FH: variants seen among roughly 807,000 people sequenced by gnomAD.
FH encodes the protein fumarate hydratase, mitochondrial.
FH carries 22 observed loss-of-function variants against 49.4 expected under a neutral mutation model. That is an observed-to-expected ratio of 0.45 (90% CI 0.32 to 0.64). FH has a LOEUF of 0.64. Among genes scored for constraint, FH ranks in the 30% least tolerant of loss-of-function variants. FH has a pLI of 0.05. For missense variants in FH, 526 were observed against 641.5 expected, an observed-to-expected ratio of 0.82 and a Z score of 1.95; for synonymous variants, 208 against 223.0, an observed-to-expected ratio of 0.93 and a Z score of 0.60.
Position 241,506,008 on chromosome 1 carries a change from A to G in FH, c.899T>C (p.Leu300Pro). Reference protein sequence around the residue: ...AEKVAAKVAALTGLPFVTAPN... With the variant: ...AEKVAAKVAAPTGLPFVTAPN... ...TAATTCACGTGATCACTAACCTGTAAGTGCAGCCACTTTTGCAGCAACCTT... is the reference window on the plus strand; with the variant it reads ...TAATTCACGTGATCACTAACCTGTAGGTGCAGCCACTTTTGCAGCAACCTT... The change falls in exon 6 of 10, where the codon CTT becomes CCT. Residue 300 changes from leucine (L) to proline (P), a missense_variant. Leu to Pro is a moderately conservative substitution (Grantham distance 98, BLOSUM62 -3). Coordinates refer to ENST00000366560, the MANE Select transcript of FH (RefSeq NM_000143.4). 6.2e-7 allele frequency: 1 copy of G among 1,613,940 alleles called. No individual in the cohort carries two copies. The highest frequency in any genetic ancestry group is 1.3e-5 in the African/African-American group (1 of 75,048).
rs764065194 is a variant in FH, at chr1:241,508,656, T to C, written c.685A>G (p.Ile229Val). 3 of 1,613,882 alleles carry C rather than the reference T, an allele frequency of 1.9e-6. No homozygotes were observed. The highest frequency in any genetic ancestry group is 2.2e-5 in the South Asian group (2 of 91,092). ...TGAGTATGAGTACGTCCAATCTTGATGATCTGTGCAAACTCTTTGGATTTT... is the reference window on the plus strand; with the variant it reads ...TGAGTATGAGTACGTCCAATCTTGACGATCTGTGCAAACTCTTTGGATTTT... ...DAKSKEFAQI[I>V]KIGRTHTQDA... Residue 229 changes from isoleucine to valine, a missense_variant, in exon 5 of 10, where the codon ATC becomes GTC. Around this residue, in one of 2 missense-constraint regions of FH, gnomAD observed 383 missense variants for 514.0 expected, o/e 0.75. Transcript: ENST00000366560.
rs201388169 is a variant in FH, at chr1:241,500,473, A to T, written c.1354T>A (p.Ser452Thr). ...TERINKLMNE[S>T]LMLVTALNPH... The stretch of plus-strand genomic sequence containing the variant: ...TTGAGAGCTGTCACCAACATTAGAG[A>T]CTCATTCATCAGCTTGTTGATCCTT... The change falls in exon 9 of 10, where the codon TCT becomes ACT. Residue 452 changes from serine (S) to threonine (T), a missense_variant. Ser to Thr is a moderately conservative substitution (Grantham distance 58, BLOSUM62 1). This residue lies in a region of FH where 383 missense variants were observed against 514.0 expected (regional missense o/e 0.75). Transcript: ENST00000366560. 5.0e-6 allele frequency: 8 copies of T among 1,613,948 alleles called. No homozygotes were observed. In the South Asian group the frequency reaches 6.6e-5, roughly 13 times the overall value.
chr1:241,511,593 G>C (rs1289679876), intron 4 of FH, among the ~76,000 whole-genome samples: 4 of 151,956 alleles, frequency 2.6e-5, no homozygotes, highest in Admixed American at 1.3e-4. Flanking sequence ...TAAGAGTACT[G>C]TATCTATGTT....
chr1:241,513,479 C>T (rs1573886302), intron 3 of FH, 124 bp downstream of exon 3: 1 of 810,198 alleles, frequency 1.2e-6, no homozygotes, highest in Non-Finnish European at 2.2e-6. Context: ...AATGCTACCA[C>T]CCTCCCCTGA....
chr1:241,502,791 T>C (rs1659816408), intron 7 of FH, among the ~76,000 whole-genome samples: 1 of 152,188 alleles, frequency 6.6e-6, no homozygotes, highest in Non-Finnish European at 1.5e-5. Flanking sequence ...ACATTAAATA[T>C]AGTTCTCCAC....
At position 241,497,716 on chromosome 1, in the gene FH, G is replaced by C; in HGVS notation, c.*112C>G. 1.1e-6 allele frequency: 1 copy of C among 942,366 alleles called. No individual in the cohort carries two copies. Among genetic ancestry groups the C allele is most frequent in the Non-Finnish European group, 1.6e-6 (1 of 618,338 alleles). 58.4% of individuals were successfully genotyped at this position (942,366 alleles called of 1,614,324 possible). Reference sequence around the variant, plus strand: ...ATATACTGATCAAATTGCTCTGCTAGAGATGCTTAAGTTCAATAGCAGTTT... The same window carrying C: ...ATATACTGATCAAATTGCTCTGCTACAGATGCTTAAGTTCAATAGCAGTTT... On this transcript the variant is annotated 3_prime_UTR_variant, in exon 10 of 10. Transcript: ENST00000366560.
chr1:241,500,456 T>C lies in FH; in HGVS notation c.1371A>G (p.Thr457=), dbSNP rs199747704. 1.2e-6 allele frequency: 2 copies of C among 1,614,030 alleles called. No individual in the cohort carries two copies. The highest frequency in any genetic ancestry group is 1.7e-4 in the Middle Eastern group (1 of 6,056). The part of the protein sequence containing the change: ...KLMNESLMLV[T]ALNPHIGYDK... ...ACTTACCTATATGAGGATTGAGAGC[T>C]GTCACCAACATTAGAGACTCATTCA... Residue 457 remains threonine, a synonymous_variant, in exon 9 of 10, where the codon ACA becomes ACG. Coordinates refer to ENST00000366560, the MANE Select transcript of FH (RefSeq NM_000143.4).
chr1:241,512,624 C>A (rs998121621), intron 3 of FH, among the ~76,000 whole-genome samples: 8 of 152,104 alleles, frequency 5.3e-5, no homozygotes, highest in African/African-American at 1.9e-4. Flanking sequence ...TTTTATACAT[C>A]CAGCTTATGT....
At chr1:241,511,945 A>T (rs760336894) in intron 4 of FH, 22 bp downstream of exon 4, 8 of 1,612,990 alleles carry the variant, frequency 5.0e-6, no homozygotes, top group Non-Finnish European at 6.8e-6. Context: ...TAACCAAAAA[A>T]CAGCAAAGCT....
At position 241,519,596 on chromosome 1, in the gene FH, G is replaced by A. The variant is rs200496951; in HGVS notation, c.127C>T (p.Arg43Ter). 3 of 1,547,492 alleles carry A rather than the reference G, an allele frequency of 1.9e-6. No individual in the cohort carries two copies. The highest frequency in any genetic ancestry group is 2.6e-6 in the Non-Finnish European group (3 of 1,146,316). ...GGATGGCGGCCTGCGCTCACCATTCGAGCCGCGTTCGGAGGCCAAAACGAG... is the reference window on the plus strand; with the variant it reads ...GGATGGCGGCCTGCGCTCACCATTCAAGCCGCGTTCGGAGGCCAAAACGAG... ...VPSFWPPNAA[R>*]MASQNSFRIE... The change falls in exon 1 of 10, where the codon CGA becomes TGA. Residue 43 changes from arginine (R) to a stop codon, truncating the protein, a stop_gained. Coordinates refer to ENST00000366560, the MANE Select transcript of FH (RefSeq NM_000143.4). LOFTEE classifies it high-confidence loss of function.
intron 5 of FH, among the ~76,000 whole-genome samples, chr1:241,508,005 A>G (rs558528953): frequency 1.4e-4 from 21 of 152,340 alleles, no homozygotes; most frequent in Non-Finnish European, 2.6e-4. Flanking sequence ...ACTTTCTAAT[A>G]TCTTGGAGAA....
At chr1:241,515,981 C>G (rs1660200971) in intron 2 of FH, among the ~76,000 whole-genome samples, 1 of 152,076 alleles carries the variant, frequency 6.6e-6, no homozygotes, top group Non-Finnish European at 1.5e-5. Context: ...TATATATTAT[C>G]TATTATATGT....
intron 4 of FH, 93 bp from the exon 5 acceptor site, chr1:241,508,878 CAACT>C (rs1660003156): frequency 2.8e-6 from 3 of 1,082,512 alleles, no homozygotes; most frequent in East Asian, 2.6e-5. Flanking sequence ...AAAAACTCTC[CAACT>C]AACTACTCAA....
Position 241,500,603 on chromosome 1 carries a change from G to GAGAC in FH, c.1237-14_1237-13insGTCT. On this transcript the variant is annotated splice_polypyrimidine_tract_variant and intron_variant, in intron 8 of 9. Coordinates refer to ENST00000366560, the MANE Select transcript of FH (RefSeq NM_000143.4). ...ACACATTTTTAATCTTTGAGTGAGT[G>GAGAC]AGAGAGAGAGAGAGAGAGAGAGAGA... 1 of 860,960 alleles carries GAGAC rather than the reference G, an allele frequency of 1.2e-6. No homozygotes were observed. Among genetic ancestry groups the GAGAC allele is most frequent in the Admixed American group, 4.6e-5 (1 of 21,592 alleles). 53.3% of individuals were successfully genotyped at this position (860,960 alleles called of 1,614,324 possible). A position where few individuals can be genotyped will look rare whatever the true frequency, so the allele number is the denominator to read the frequency against.
In FH at chr1:241,500,199, C is replaced by G. The variant is rs546454475; in HGVS notation, c.1390+238G>C. 2.8e-4 allele frequency among the ~76,000 whole-genome samples: 42 copies of G among 152,226 alleles called. No homozygotes were observed. In the South Asian group the frequency reaches 3.3e-3, roughly 12 times the overall value. ...TTAAAATCAAAATAAGTTTGAACTA[C>G]TACTTCTCGATACATTTCAAATAAA... On this transcript the variant is annotated intron_variant, in intron 9 of 9. Coordinates refer to ENST00000366560, the MANE Select transcript of FH (RefSeq NM_000143.4).
intron 3 of FH, among the ~76,000 whole-genome samples, chr1:241,512,697 T>C (rs1256336697): frequency 2.6e-5 from 4 of 152,348 alleles, no homozygotes; most frequent in African/African-American, 7.2e-5. Context: ...GGAATGATTT[T>C]AGCTTAAAAA....
chr1:241,498,169 C>T (rs1659672117), intron 9 of FH, among the ~76,000 whole-genome samples, 199 bp from the exon 10 acceptor site: 1 of 152,014 alleles, frequency 6.6e-6, no homozygotes. Context: ...AAGAAATAAA[C>T]ACTTAAACAT....
intron 4 of FH, among the ~76,000 whole-genome samples, chr1:241,509,674 G>A (rs1432654694): frequency 6.6e-6 from 1 of 152,048 alleles, no homozygotes; most frequent in East Asian, 1.9e-4. Context: ...TGCTCAGGAA[G>A]CTAAGGCATG....
In FH at chr1:241,508,666, A is replaced by G; in HGVS notation, c.675T>C (p.Phe225=). ...HDALDAKSKE[F]AQIIKIGRTH... ...TACGTCCAATCTTGATGATCTGTGC[A>G]AACTCTTTGGATTTTGCATCAAGAG... The change falls in exon 5 of 10, where the codon TTT becomes TTC. Residue 225 remains phenylalanine, a synonymous_variant. Coordinates refer to ENST00000366560, the MANE Select transcript of FH (RefSeq NM_000143.4). 6 of 1,613,904 alleles carry G rather than the reference A, an allele frequency of 3.7e-6. No individual in the cohort carries two copies. Among genetic ancestry groups the G allele is most frequent in the Non-Finnish European group, 5.1e-6 (6 of 1,179,788 alleles).
Sources: allele counts gnomAD v4.1 joint callset (sites outside exome capture counted in the v4.1 genomes callset), GRCh38; gene constraint gnomAD v4.1.1; regional missense constraint gnomAD v4.1.1; transcripts MANE v1.5; gene names NCBI Gene and HGNC (gene_info 2026-07-23, HGNC 2026-07-21).